The following SPATA3 variants were observed in gnomAD, a reference collection of about 807,000 sequenced individuals.
The protein encoded by SPATA3 is spermatogenesis associated 3.
Under a neutral mutation model 5.7 loss-of-function variants are expected in SPATA3, and 6 were observed. The observed-to-expected ratio is 1.06, with a 90% CI of 0.58 to 2.09. The LOEUF (loss-of-function observed/expected upper bound fraction) is 2.09. Ranked by LOEUF, SPATA3 falls within the 30% of genes most tolerant of loss-of-function variation. The pLI is 0.00. For synonymous variants in SPATA3, 44 were observed against 48.4 expected (o/e 0.91, Z 0.37); for missense variants, 155 against 130.4 (o/e 1.19, Z -0.92).
chr2:230,998,019 AG>A (rs1301564526), intron 1 of SPATA3, among the ~76,000 whole-genome samples: 1 of 152,210 alleles, frequency 6.6e-6, no homozygotes, highest in African/African-American at 2.4e-5. Context: ...TTCTGACTCC[AG>A]AACCCTCACT....
At chr2:231,011,168 G>T (rs536974295), downstream of SPATA3, among the ~76,000 whole-genome samples, 2 of 151,224 alleles carry the variant, frequency 1.3e-5, no homozygotes, top group African/African-American at 4.9e-5. Flanking sequence ...TTGCTCTGTC[G>T]CCCAGGCTCA....
At chr2:231,009,220 G>T (rs1313083663), downstream of SPATA3, among the ~76,000 whole-genome samples, 1 of 152,188 alleles carries the variant, frequency 6.6e-6, no homozygotes, top group Non-Finnish European at 1.5e-5. Context: ...CCTCCAGTTG[G>T]CTGTGGGTCT....
intron 6 of SPATA3, among the ~76,000 whole-genome samples, chr2:231,018,860 A>G (rs183503751): frequency 9.7e-4 from 146 of 150,214 alleles, no homozygotes; most frequent in African/African-American, 3.4e-3. Context: ...AATTTTTTGT[A>G]TTTTTAGTAG....
At chr2:231,005,349 C>A, downstream of SPATA3, among the ~76,000 whole-genome samples, 1 of 78,054 alleles carries the variant, frequency 1.3e-5, no homozygotes, top group Admixed American at 1.4e-4. Flanking sequence ...ACCATCATCA[C>A]CATCACCACC....
Position 231,002,661 on chromosome 2 carries a change from C to T in SPATA3, c.963-23C>T, listed in dbSNP as rs1222286129. On this transcript the variant is annotated intron_variant, in intron 2 of 2. Coordinates refer to ENST00000645363, the Ensembl canonical transcript of SPATA3. ...CACTGAAGCCCAGCTTCCCACCACC[C>T]CCACTTCTGCTTTGCTCTACAGAAA... 3 of 1,429,282 alleles carry T rather than the reference C, an allele frequency of 2.1e-6. No homozygotes were observed. The Admixed American group carries it at 7.6e-5, about 36-fold the overall frequency. The allele number at this position is 1,429,282 out of a possible 1,614,324, so 88.5% of individuals were successfully genotyped here.
At chr2:230,998,532 G>A (rs1692219486) in intron 1 of SPATA3, among the ~76,000 whole-genome samples, 1 of 152,220 alleles carries the variant, frequency 6.6e-6, no homozygotes, top group Non-Finnish European at 1.5e-5. Context: ...CTCGCCAGTG[G>A]TTACAGCAGA....
rs140662614 is a variant in SPATA3 at position 231,017,242 on chromosome 2, C to A, written c.*566-2478C>A. 3.0e-4 allele frequency among the ~76,000 whole-genome samples: 45 copies of A among 152,336 alleles called. No homozygotes were observed. The East Asian group carries it at 7.3e-3, about 25-fold the overall frequency. ...ATGTAACTGTAAAGTCTAAAGATAACACAGGCTTTGGGGAGAGCTTAATCT... is the reference window on the plus strand; with the variant it reads ...ATGTAACTGTAAAGTCTAAAGATAAAACAGGCTTTGGGGAGAGCTTAATCT... On this transcript the variant is annotated intron_variant, in intron 6 of 8. Coordinates refer to the SPATA3 transcript ENST00000452881.
chr2:231,002,742 T>A lies in SPATA3; in HGVS notation c.1021T>A (p.Cys341Ser), dbSNP rs1238850089. The change falls in exon 3 of 3, where the codon TGT (cysteine) becomes AGT (serine). Residue 341 changes from cysteine (C) to serine (S), a missense_variant. Coordinates refer to ENST00000645363, the Ensembl canonical transcript of SPATA3. ...CGCGTGTCCTCCAAGCCCTCGGAAC[T>A]GTGGCTGTGGCTCTGGGGGCTCTAG... 3.3e-6 allele frequency: 5 copies of A among 1,532,368 alleles called. No individual in the cohort carries two copies. In the Admixed American group the frequency reaches 8.2e-5, roughly 25 times the overall value. The allele number at this position is 1,532,368 out of a possible 1,614,324, so 94.9% of individuals were successfully genotyped here. A position where few individuals can be genotyped will look rare whatever the true frequency, so the allele number is the denominator to read the frequency against.
downstream of SPATA3, among the ~76,000 whole-genome samples, chr2:231,005,322 T>C (rs796083592): frequency 4.2e-3 from 60 of 14,414 alleles, no homozygotes; most frequent in South Asian, 0.014. Context: ...ACCATCATCA[T>C]CACCATCATC....
intron 1 of SPATA3, among the ~76,000 whole-genome samples, chr2:230,999,108 T>C (rs139711579): frequency 5.9e-5 from 9 of 152,358 alleles, no homozygotes; most frequent in Non-Finnish European, 1.2e-4. Context: ...TGGTACAGCC[T>C]GGATGAACCT....
At chr2:231,015,551 G>A (rs538920428) in intron 6 of SPATA3, among the ~76,000 whole-genome samples, 13 of 152,336 alleles carry the variant, frequency 8.5e-5, no homozygotes, top group African/African-American at 1.9e-4. Context: ...GCAAGAGGAG[G>A]CAGCAAAGCC....
At chr2:231,018,333 T>C (rs1175339776) in intron 6 of SPATA3, among the ~76,000 whole-genome samples, 1 of 152,184 alleles carries the variant, frequency 6.6e-6, no homozygotes, top group Non-Finnish European at 1.5e-5. Flanking sequence ...GGCTGTTGCT[T>C]GTGAGCCTTC....
At chr2:231,011,664 A>G (rs1159601145), downstream of SPATA3, among the ~76,000 whole-genome samples, 1 of 151,740 alleles carries the variant, frequency 6.6e-6, no homozygotes, top group Non-Finnish European at 1.5e-5. Context: ...TCACAGAGTA[A>G]GTAAATAACC....
At chr2:230,998,249 T>A (rs1290606773) in intron 1 of SPATA3, among the ~76,000 whole-genome samples, 1 of 152,234 alleles carries the variant, frequency 6.6e-6, no homozygotes, top group African/African-American at 2.4e-5. Flanking sequence ...ATATAAGGCA[T>A]GCCATGCCAA....
downstream of SPATA3, among the ~76,000 whole-genome samples, chr2:231,004,280 G>T (rs1017190526): frequency 3.9e-5 from 6 of 152,190 alleles, no homozygotes; most frequent in African/African-American, 1.4e-4. Context: ...TAGGGAAAAT[G>T]ACAGTACCTT....
chr2:231,003,227 C>T (rs933039478), downstream of SPATA3, among the ~76,000 whole-genome samples: 1 of 152,234 alleles, frequency 6.6e-6, no homozygotes, highest in Non-Finnish European at 1.5e-5. Context: ...TTCCCAACTT[C>T]AATGACGTCT....
At chr2:231,015,692 G>A (rs1486276895) in intron 6 of SPATA3, among the ~76,000 whole-genome samples, 1 of 152,180 alleles carries the variant, frequency 6.6e-6, no homozygotes, top group Non-Finnish European at 1.5e-5. Flanking sequence ...AGGCACCCTC[G>A]GCCTGCAGCT....
chr2:231,001,724 C>T (rs1692359076), intron 2 of SPATA3, among the ~76,000 whole-genome samples: 2 of 152,168 alleles, frequency 1.3e-5, no homozygotes, highest in South Asian at 4.1e-4. Flanking sequence ...GGACATGGGG[C>T]ACTGTGAGGG....
chr2:231,014,661 C>T (rs1443636197), intron 6 of SPATA3, among the ~76,000 whole-genome samples: 2 of 152,132 alleles, frequency 1.3e-5, no homozygotes, highest in African/African-American at 4.8e-5. Flanking sequence ...TCCTCTGGTA[C>T]TCTGCTGGTC....
Sources: allele counts gnomAD v4.1 joint callset (sites outside exome capture counted in the v4.1 genomes callset), GRCh38; gene constraint gnomAD v4.1.1; transcripts MANE v1.5; gene names NCBI Gene and HGNC (gene_info 2026-07-23, HGNC 2026-07-21).